Variants in HVCN1 observed in about 807,000 individuals in gnomAD.
The protein encoded by HVCN1 is voltage-gated hydrogen channel 1.
In HVCN1, 14 loss-of-function variants were observed where a neutral mutation model predicts 29.2. The ratio of observed to expected loss-of-function variants is 0.48; its 90% CI spans 0.32 to 0.75. HVCN1 has a LOEUF of 0.75. Among genes scored for constraint, HVCN1 ranks in the 30% least tolerant of loss-of-function variants. HVCN1 has a pLI of 0.04. For synonymous variants in HVCN1, 131 were observed against 133.2 expected (o/e 0.98, Z 0.11); for missense variants, 263 against 341.8 (o/e 0.77, Z 1.82).
chr12:110,668,923 T>C (rs1019125228), intron 3 of HVCN1, among the ~76,000 whole-genome samples: 2 of 152,114 alleles, frequency 1.3e-5, no homozygotes, highest in African/African-American at 4.8e-5. Flanking sequence ...CCTCCTCAGC[T>C]TCCTGTACCA....
chr12:110,701,402 C>T (rs2069562582), intron 2 of HVCN1, among the ~76,000 whole-genome samples: 1 of 152,124 alleles, frequency 6.6e-6, no homozygotes, highest in African/African-American at 2.4e-5. Flanking sequence ...ATTCTTGGGC[C>T]CCAACTTCCA....
chr12:110,703,444 G>T (rs1456879905), intron 1 of HVCN1, among the ~76,000 whole-genome samples: 4 of 151,796 alleles, frequency 2.6e-5, no homozygotes, highest in Admixed American at 1.3e-4. Context: ...ATCATCTTGT[G>T]GCGATCCAAG....
chr12:110,672,191 C>T (rs1271540058), intron 3 of HVCN1, among the ~76,000 whole-genome samples: 2 of 152,176 alleles, frequency 1.3e-5, no homozygotes, highest in Non-Finnish European at 2.9e-5. Flanking sequence ...TGGAGTGCAG[C>T]CGCAAACTCC....
In HVCN1 at chr12:110,703,744, G is replaced by T. The variant is rs141025513; in HGVS notation, c.-229+1131C>A. Among the ~76,000 whole-genome samples the T allele has an allele frequency of 3.6e-3, 551 of 152,118 alleles. 2 individuals carry two copies. Among genetic ancestry groups the T allele is most frequent in the African/African-American group, 0.013 (531 of 41,492 alleles). ...TCATCGCCTAGGCTGGAGTGCAATG[G>T]CATGATCTCGGCTCACTGCAACCTC... On this transcript the variant is annotated intron_variant, in intron 1 of 4. Transcript: ENST00000546713.
intron 3 of HVCN1, among the ~76,000 whole-genome samples, chr12:110,665,186 T>G (rs79153549): frequency 6.6e-6 from 1 of 152,174 alleles, no homozygotes; most frequent in Non-Finnish European, 1.5e-5. Flanking sequence ...ATGCATACTG[T>G]CTAGCATACA....
upstream of HVCN1, among the ~76,000 whole-genome samples, chr12:110,690,445 C>G (rs2069377762): frequency 6.6e-6 from 1 of 152,172 alleles, no homozygotes; most frequent in African/African-American, 2.4e-5. Flanking sequence ...ACTGACTCGG[C>G]TTTCCCCAAT....
At chr12:110,703,684 G>A (rs928757793) in intron 1 of HVCN1, among the ~76,000 whole-genome samples, 6 of 150,954 alleles carry the variant, frequency 4.0e-5, no homozygotes, top group Non-Finnish European at 7.4e-5. Flanking sequence ...ATTTCCCCCC[G>A]CCTCTCTCTT....
At chr12:110,654,985 A>C (rs1203445331) in intron 5 of HVCN1, among the ~76,000 whole-genome samples, 1 of 152,076 alleles carries the variant, frequency 6.6e-6, no homozygotes, top group Non-Finnish European at 1.5e-5. Flanking sequence ...GGCAGAGTGG[A>C]TCCACCCCAC....
At chr12:110,674,805 G>A (rs1320303283) in intron 3 of HVCN1, among the ~76,000 whole-genome samples, 2 of 152,220 alleles carry the variant, frequency 1.3e-5, no homozygotes, top group East Asian at 1.9e-4. Flanking sequence ...CCCTGTCTCA[G>A]GTATGTCTTT....
chr12:110,686,011 T>C (rs768809524), intron 2 of HVCN1, among the ~76,000 whole-genome samples: 5 of 151,942 alleles, frequency 3.3e-5, no homozygotes, highest in Admixed American at 6.6e-5. Flanking sequence ...ATTTTTTTTT[T>C]CCCCTGAGAC....
intron 3 of HVCN1, among the ~76,000 whole-genome samples, chr12:110,680,499 A>G (rs577950284): frequency 6.6e-6 from 1 of 152,240 alleles, no homozygotes; most frequent in South Asian, 2.1e-4. Flanking sequence ...ATTTATTACT[A>G]TTGTGAAAAA....
At chr12:110,693,857 G>T (rs754593047), upstream of HVCN1, among the ~76,000 whole-genome samples, 8 of 152,198 alleles carry the variant, frequency 5.3e-5, no homozygotes, top group Non-Finnish European at 1.2e-4. Context: ...AGGTCCAGAA[G>T]CTTCCCCAGA....
intron 3 of HVCN1, among the ~76,000 whole-genome samples, chr12:110,666,932 C>T (rs190628646): frequency 3.0e-4 from 45 of 152,258 alleles, no homozygotes; most frequent in Admixed American, 2.7e-3. Flanking sequence ...ATTTACCTCA[C>T]ATGAAGGCAG....
chr12:110,677,764 G>A (rs1222267591), intron 3 of HVCN1, among the ~76,000 whole-genome samples: 3 of 152,084 alleles, frequency 2.0e-5, no homozygotes, highest in Non-Finnish European at 4.4e-5. Context: ...GAAGTCTGAG[G>A]TTCATGAAAA....
intron 3 of HVCN1, among the ~76,000 whole-genome samples, chr12:110,664,063 C>T (rs556019489): frequency 6.6e-6 from 1 of 152,228 alleles, no homozygotes; most frequent in South Asian, 2.1e-4. Flanking sequence ...GACTGTGGCA[C>T]ACTATAACGT....
chr12:110,694,344 G>C (rs1649297892), upstream of HVCN1, among the ~76,000 whole-genome samples: 1 of 152,206 alleles, frequency 6.6e-6, no homozygotes. This position sits in a 1 kb window ranked among gnomAD's most constrained non-coding sequence, Gnocchi z 4.6. Flanking sequence ...TTCTAGGCAT[G>C]AGCCACCGCG....
At chr12:110,696,639 C>T (rs1424720078) in intron 2 of HVCN1, among the ~76,000 whole-genome samples, 2 of 152,142 alleles carry the variant, frequency 1.3e-5, no homozygotes, top group Admixed American at 6.5e-5. Context: ...AGTCTACTTT[C>T]TGTCTCCATG....
At chr12:110,655,446 AGCCATTAAGGATGGGAG>A (rs1323432213) in intron 4 of HVCN1, 108 bp from the exon 5 acceptor site, 7 of 793,090 alleles carry the variant, frequency 8.8e-6, no homozygotes, top group Non-Finnish European at 1.5e-5. Flanking sequence ...CACTGGGCAA[AGCCATTAAGGATGGGAG>A]GCTACTGCTA....
chr12:110,687,304 G>C (rs1294028491), intron 2 of HVCN1, among the ~76,000 whole-genome samples: 1 of 150,516 alleles, frequency 6.6e-6, no homozygotes, highest in Non-Finnish European at 1.5e-5. Flanking sequence ...GCCAGAGTAA[G>C]GGGCCAGGGA....
Sources: gnomAD v4.1 joint callset for allele counts (sites outside exome capture counted in the v4.1 genomes callset) on GRCh38, gnomAD v4.1.1 for gene constraint, Gnocchi (gnomAD v3.1) non-coding constraint, MANE v1.5 for transcripts, NCBI Gene and HGNC (gene_info 2026-07-23, HGNC 2026-07-21) for gene names.